Variants in PLPPR1 observed in about 807,000 individuals in gnomAD.
PLPPR1 encodes phospholipid phosphatase related 1, also known as phospholipid phosphatase-related protein type 1.
PLPPR1 carries 10 observed loss-of-function variants against 33.1 expected under a neutral mutation model. The observed-to-expected ratio is 0.30, with a 90% CI of 0.19 to 0.51. The LOEUF is 0.51. Ranked by LOEUF, PLPPR1 falls within the 20% of genes least tolerant of loss-of-function variation. PLPPR1 has a pLI of 0.97. For synonymous variants in PLPPR1, 151 were observed against 151.0 expected (o/e 1.00, Z 0.00); for missense variants, 304 against 408.1 (o/e 0.74, Z 2.20).
chr9:101,280,176 T>C (rs2118908181), intron 3 of PLPPR1, among the ~76,000 whole-genome samples: 1 of 152,092 alleles, frequency 6.6e-6, no homozygotes, highest in African/African-American at 2.4e-5. Flanking sequence ...TGTCAATAAA[T>C]TGCAAAACCT....
At chr9:101,061,074 T>A (rs1414612755) in intron 1 of PLPPR1, among the ~76,000 whole-genome samples, 2 of 151,898 alleles carry the variant, frequency 1.3e-5, no homozygotes, top group African/African-American at 4.8e-5. Flanking sequence ...AATACTTAAA[T>A]AATTAACTTC....
chr9:101,251,152 T>C (rs1827706198), intron 2 of PLPPR1, among the ~76,000 whole-genome samples: 1 of 152,102 alleles, frequency 6.6e-6, no homozygotes, highest in Admixed American at 6.6e-5. Flanking sequence ...TTTAAACCGA[T>C]AGCCCCCAAA....
chr9:101,247,370 A>C (rs74988536), intron 2 of PLPPR1, among the ~76,000 whole-genome samples: 2 of 152,072 alleles, frequency 1.3e-5, no homozygotes, highest in African/African-American at 4.8e-5. Context: ...AGATGACCAC[A>C]TTGGGTCTTA....
At chr9:101,106,875 C>G (rs1364933388) in intron 1 of PLPPR1, among the ~76,000 whole-genome samples, 1 of 42,564 alleles carries the variant, frequency 2.3e-5, no homozygotes, top group Non-Finnish European at 4.1e-5. Context: ...TCTAAACTTC[C>G]CTTCTCGCTT....
At chr9:101,038,670 C>T (rs1830040158) in intron 1 of PLPPR1, among the ~76,000 whole-genome samples, 1 of 152,088 alleles carries the variant, frequency 6.6e-6, no homozygotes, top group African/African-American at 2.4e-5. Context: ...GCAAATCAAC[C>T]CCCACATCAA....
chr9:101,036,886 C>T (rs1362262087), intron 1 of PLPPR1, among the ~76,000 whole-genome samples: 2 of 152,088 alleles, frequency 1.3e-5, no homozygotes, highest in African/African-American at 4.8e-5. Context: ...CATTTGACAG[C>T]TGAGTAAACC....
chr9:101,324,021 A>T lies in PLPPR1; in HGVS notation c.946-4A>T, dbSNP rs1829205036. The T allele has an allele frequency of 6.2e-7, 1 of 1,612,340 alleles. No homozygotes were observed. The highest frequency in any genetic ancestry group is 1.3e-5 in the African/African-American group (1 of 75,022). The stretch of plus-strand genomic sequence containing the variant: ...GATTTTATCTGCTTGTGTTTGCTCC[A>T]CAGAATCACTCTGCGTCCATGACCG... On this transcript the variant is annotated splice_polypyrimidine_tract_variant and splice_region_variant and intron_variant, in intron 7 of 7. Coordinates refer to ENST00000374874, the MANE Select transcript of PLPPR1 (RefSeq NM_207299.2).
intron 2 of PLPPR1, among the ~76,000 whole-genome samples, chr9:101,199,292 A>G (rs1425388100): frequency 2.0e-5 from 3 of 152,296 alleles, no homozygotes; most frequent in South Asian, 2.1e-4. Context: ...TAAAAACACA[A>G]TCTCAATGGT....
chr9:101,054,686 C>T (rs1309866367), intron 1 of PLPPR1, among the ~76,000 whole-genome samples: 1 of 152,172 alleles, frequency 6.6e-6, no homozygotes, highest in African/African-American at 2.4e-5. Context: ...GTGCTGGCCA[C>T]TGAAATCCTT....
At chr9:101,120,912 C>G (rs1462717065) in intron 1 of PLPPR1, among the ~76,000 whole-genome samples, 2 of 152,176 alleles carry the variant, frequency 1.3e-5, no homozygotes, top group Non-Finnish European at 2.9e-5. Flanking sequence ...CAGTGAGTGG[C>G]TATTACAGGG....
intron 1 of PLPPR1, among the ~76,000 whole-genome samples, chr9:101,168,951 G>A (rs1449235283): frequency 1.3e-5 from 2 of 151,978 alleles, no homozygotes; most frequent in African/African-American, 2.4e-5. Flanking sequence ...AATGTAATAG[G>A]GGTTTCATTA....
chr9:101,234,257 G>T (rs1208078377), intron 2 of PLPPR1, among the ~76,000 whole-genome samples: 2 of 151,798 alleles, frequency 1.3e-5, no homozygotes, highest in African/African-American at 2.4e-5. Flanking sequence ...CACTCACAAG[G>T]CAGTTGTTTG....
chr9:101,275,445 C>T (rs529012791), intron 3 of PLPPR1, among the ~76,000 whole-genome samples: 3 of 152,186 alleles, frequency 2.0e-5, no homozygotes, highest in Non-Finnish European at 2.9e-5. Context: ...TGGGATAAAT[C>T]GCAAAAGGCC....
At chr9:101,076,958 T>C (rs1830545869) in intron 1 of PLPPR1, among the ~76,000 whole-genome samples, 1 of 152,220 alleles carries the variant, frequency 6.6e-6, no homozygotes, top group Non-Finnish European at 1.5e-5. Context: ...GATAAAGTTA[T>C]ATGAGGGTAT....
chr9:101,107,994 G>A (rs4743442), intron 1 of PLPPR1, among the ~76,000 whole-genome samples: 45,876 of 148,348 alleles, frequency 0.31, 8,434 homozygotes, highest in East Asian at 0.7. Flanking sequence ...GCAATGCCTC[G>A]CCCTGCTTCG....
At chr9:101,074,974 G>A (rs979404886) in intron 1 of PLPPR1, among the ~76,000 whole-genome samples, 4 of 152,132 alleles carry the variant, frequency 2.6e-5, no homozygotes, top group Non-Finnish European at 5.9e-5. Context: ...GTGAGCCACA[G>A]AATTTGAACC....
At chr9:101,300,126 G>C (rs534124303) in intron 4 of PLPPR1, among the ~76,000 whole-genome samples, 1 of 152,170 alleles carries the variant, frequency 6.6e-6, no homozygotes, top group African/African-American at 2.4e-5. Context: ...TAGTTTCAAA[G>C]CTTTCTATAA....
chr9:101,247,787 G>A (rs1827639976), intron 2 of PLPPR1, among the ~76,000 whole-genome samples: 1 of 151,934 alleles, frequency 6.6e-6, no homozygotes, highest in Non-Finnish European at 1.5e-5. Context: ...TGTCTTTCAG[G>A]CCCAGGGTAC....
At chr9:101,311,331 C>A (rs1045520055) in intron 5 of PLPPR1, among the ~76,000 whole-genome samples, 1 of 152,110 alleles carries the variant, frequency 6.6e-6, no homozygotes, top group African/African-American at 2.4e-5. Context: ...GTCAGATAAA[C>A]CCTGATATAA....
Sources: gnomAD v4.1 joint callset for allele counts (sites outside exome capture counted in the v4.1 genomes callset) on GRCh38, gnomAD v4.1.1 for gene constraint, MANE v1.5 for transcripts, NCBI Gene and HGNC (gene_info 2026-07-23, HGNC 2026-07-21) for gene names.